DCLK2: variants seen among roughly 807,000 people sequenced by gnomAD.
DCLK2 encodes the protein serine/threonine-protein kinase DCLK2.
DCLK2 carries 31 observed loss-of-function variants against 78.4 expected under a neutral mutation model. That is an observed-to-expected ratio of 0.40 (90% CI 0.30 to 0.53). The LOEUF (loss-of-function observed/expected upper bound fraction) is 0.53. DCLK2 is among the 20% of genes least tolerant of loss of function. DCLK2 has a pLI of 0.61. For missense variants in DCLK2, 872 were observed against 973.7 expected (o/e 0.90, Z 1.39); for synonymous variants, 407 against 374.9 (o/e 1.09, Z -0.99).
At chr4:150,176,829 TA>T (rs1416341430) in intron 2 of DCLK2, among the ~76,000 whole-genome samples, 1 of 152,208 alleles carries the variant, frequency 6.6e-6, no homozygotes, top group Non-Finnish European at 1.5e-5. Context: ...GATGGTTATT[TA>T]AGACAGCTGG....
chr4:150,241,806 G>A (rs1742946662), intron 12 of DCLK2, among the ~76,000 whole-genome samples: 1 of 152,140 alleles, frequency 6.6e-6, no homozygotes, highest in Non-Finnish European at 1.5e-5. Flanking sequence ...AGTGGAAAGG[G>A]CAAGGGAATC....
chr4:150,172,294 G>C (rs944811794), intron 2 of DCLK2, among the ~76,000 whole-genome samples: 1 of 152,132 alleles, frequency 6.6e-6, no homozygotes, highest in Admixed American at 6.5e-5. Context: ...ATATTTGGCA[G>C]TGTGGCCTGT....
At position 150,221,733 on chromosome 4, in the gene DCLK2, G is replaced by A. The variant is rs1419514268; in HGVS notation, c.1189G>A (p.Gly397Arg). 6.2e-7 allele frequency: 1 copy of A among 1,607,416 alleles called. No individual in the cohort carries two copies. The highest frequency in any genetic ancestry group is 1.7e-5 in the Admixed American group (1 of 58,672). ...AACTCTTCTTGAGAAATACAAAATT[G>A]GAAAGGTCATTGGTGATGGCAATTT... is the stretch of plus-strand genomic sequence containing the variant. ...SSTLLEKYKI[G>R]KVIGDGNFAV... The change falls in exon 7 of 16, where the codon GGA (glycine) becomes AGA (arginine). Residue 397 changes from glycine to arginine, a missense_variant. This residue lies in a region of DCLK2 where 567 missense variants were observed against 593.4 expected (regional missense o/e 0.96). Transcript: ENST00000296550.
chr4:150,240,267 C>G, intron 11 of DCLK2, 132 bp from the exon 12 acceptor site: 1 of 772,186 alleles, frequency 1.3e-6, no homozygotes, highest in East Asian at 2.7e-5. Flanking sequence ...TCATTCATCT[C>G]TATGTGAAAT....
At chr4:150,241,930 C>T (rs1214163739) in intron 12 of DCLK2, among the ~76,000 whole-genome samples, 1 of 152,214 alleles carries the variant, frequency 6.6e-6, no homozygotes, top group Non-Finnish European at 1.5e-5. Flanking sequence ...CATTAGGTTG[C>T]AGCATGTGAA....
chr4:150,180,067 G>A (rs771116290), intron 2 of DCLK2, among the ~76,000 whole-genome samples: 5 of 152,124 alleles, frequency 3.3e-5, no homozygotes, highest in Non-Finnish European at 7.4e-5. Flanking sequence ...AAAATTATCT[G>A]ACTTACCTCA....
In DCLK2 at chr4:150,079,338, T is replaced by A. The variant is rs765656766; in HGVS notation, c.311T>A (p.Ile104Lys). The A allele has an allele frequency of 6.3e-7, 1 of 1,588,770 alleles. No individual in the cohort carries two copies. Among genetic ancestry groups the A allele is most frequent in the South Asian group, 1.1e-5 (1 of 87,384 alleles). Residue 104 changes from isoleucine (I) to lysine (K), a missense_variant, in exon 1 of 16, where the codon ATA becomes AAA. Ile to Lys is a moderately radical substitution (Grantham distance 102). Transcript: ENST00000296550. Reference protein sequence around the residue: ...DRFRSFDALLIELTRSLSDNV... With the variant: ...DRFRSFDALLKELTRSLSDNV... ...TTCCGGTCCTTCGATGCGCTCCTCA[T>A]AGAGCTCACCCGCTCCCTGTCGGAC...
At chr4:150,247,779 G>C (rs1001872566) in intron 13 of DCLK2, 80 bp downstream of exon 13, 2 of 1,098,800 alleles carry the variant, frequency 1.8e-6, no homozygotes, top group East Asian at 4.9e-5. Context: ...GCTGCGCTAG[G>C]TATTGCATTC....
chr4:150,162,716 C>T (rs1410638689), intron 2 of DCLK2, among the ~76,000 whole-genome samples: 3 of 152,118 alleles, frequency 2.0e-5, no homozygotes, highest in African/African-American at 7.2e-5. Flanking sequence ...ACTGATCCTC[C>T]TGCCTCAGCC....
chr4:150,186,635 G>A (rs1332825155), intron 2 of DCLK2, among the ~76,000 whole-genome samples: 1 of 152,208 alleles, frequency 6.6e-6, no homozygotes, highest in Admixed American at 6.5e-5. Flanking sequence ...ATTCCTTGGT[G>A]AGAGTTACTT....
chr4:150,110,442 A>C lies in DCLK2; in HGVS notation c.756+7630A>C, dbSNP rs546472797. ...GGTAATAGATAACAACTAATAGCTTACTATGCCAGGCATTATGTTAGTGCT... is the reference window on the plus strand; with the variant it reads ...GGTAATAGATAACAACTAATAGCTTCCTATGCCAGGCATTATGTTAGTGCT... On this transcript the variant is annotated intron_variant, in intron 2 of 15. Coordinates refer to ENST00000296550, the MANE Select transcript of DCLK2 (RefSeq NM_001040260.4). Among the ~76,000 whole-genome samples, 10 of 151,730 alleles carry C rather than the reference A, an allele frequency of 6.6e-5. No individual in the cohort carries two copies. The East Asian group carries it at 1.9e-3, about 29-fold the overall frequency.
At chr4:150,186,600 A>C (rs1737954241) in intron 2 of DCLK2, among the ~76,000 whole-genome samples, 1 of 152,230 alleles carries the variant, frequency 6.6e-6, no homozygotes, top group East Asian at 1.9e-4. Context: ...GATTAATGTT[A>C]GAATGAATGA....
At position 150,157,508 on chromosome 4, in the gene DCLK2, TGTTTGTTTG is replaced by T. The variant is rs1287650678; in HGVS notation, c.757-35629_757-35621del. ...TGGTTTTTTTGTTTGTTTGTTTGTTTGTTTGTTTGTTTGTTTGTTTTTGAGCTGGAGTCT... is the reference window on the plus strand; with the variant it reads ...TGGTTTTTTTGTTTGTTTGTTTGTTTTTTGTTTGTTTTTGAGCTGGAGTCT... On this transcript the variant is annotated intron_variant, in intron 2 of 15. Transcript: ENST00000296550. 4.3e-4 allele frequency among the ~76,000 whole-genome samples: 64 copies of T among 149,082 alleles called. 5 individuals are homozygous for T. The highest frequency in any genetic ancestry group is 3.6e-3 in the East Asian group (18 of 4,978).
At chr4:150,144,554 CTGAT>C (rs1734328447) in intron 2 of DCLK2, among the ~76,000 whole-genome samples, 2 of 152,170 alleles carry the variant, frequency 1.3e-5, no homozygotes, top group African/African-American at 4.8e-5. Flanking sequence ...ATTGCTTTGA[CTGAT>C]TGGGGGGTTT....
intron 2 of DCLK2, among the ~76,000 whole-genome samples, chr4:150,135,253 C>T (rs1435997151): frequency 6.6e-6 from 1 of 151,876 alleles, no homozygotes; most frequent in African/African-American, 2.4e-5. Context: ...ATTCACAGTG[C>T]ACATTAGCAT....
chr4:150,232,109 T>C (rs1742118213), intron 8 of DCLK2, among the ~76,000 whole-genome samples: 1 of 152,146 alleles, frequency 6.6e-6, no homozygotes, highest in Non-Finnish European at 1.5e-5. Flanking sequence ...ATGGAGCCTT[T>C]TGGGGGATGT....
chr4:150,164,004 T>C (rs1001035286), intron 2 of DCLK2, among the ~76,000 whole-genome samples: 18 of 152,240 alleles, frequency 1.2e-4, no homozygotes, highest in Admixed American at 1.1e-3. Context: ...CTCAAACTCC[T>C]GGCCCATCCT....
At chr4:150,103,392 A>G (rs1731019408) in intron 2 of DCLK2, among the ~76,000 whole-genome samples, 1 of 152,198 alleles carries the variant, frequency 6.6e-6, no homozygotes. Context: ...TTATGGCAAC[A>G]ATGTATCAGG....
chr4:150,222,325 T>G (rs1741246896), intron 7 of DCLK2, among the ~76,000 whole-genome samples: 1 of 152,176 alleles, frequency 6.6e-6, no homozygotes, highest in African/African-American at 2.4e-5. Flanking sequence ...AACTGTTTTA[T>G]GTGCATTTGG....
Sources: gnomAD v4.1 joint callset for allele counts (sites outside exome capture counted in the v4.1 genomes callset) on GRCh38, gnomAD v4.1.1 for gene constraint, gnomAD v4.1.1 regional missense constraint, MANE v1.5 for transcripts, NCBI Gene and HGNC (gene_info 2026-07-23, HGNC 2026-07-21) for gene names.